The following CLASP1 variants were observed in gnomAD, a reference collection of about 807,000 sequenced individuals.
The protein encoded by CLASP1 is CLIP-associating protein 1.
CLASP1 carries 38 observed loss-of-function variants against 192.3 expected under a neutral mutation model. That is an observed-to-expected ratio of 0.20 (90% CI 0.15 to 0.26). The LOEUF is 0.26. CLASP1 is among the 10% of genes least tolerant of loss of function. The pLI is 1.00. For synonymous variants in CLASP1, 691 were observed against 712.8 expected, an observed-to-expected ratio of 0.97 and a Z score of 0.49; for missense variants, 1,433 against 1,932.5, an observed-to-expected ratio of 0.74 and a Z score of 4.85.
At chr2:121,547,215 G>T (rs1228740568) in intron 2 of CLASP1, among the ~76,000 whole-genome samples, 1 of 152,174 alleles carries the variant, frequency 6.6e-6, no homozygotes, top group Non-Finnish European at 1.5e-5. Flanking sequence ...CCAGCCAGTA[G>T]CAACTCAGCA....
intron 2 of CLASP1, among the ~76,000 whole-genome samples, chr2:121,582,585 CAGAA>C (rs2061319924): frequency 7.0e-6 from 1 of 141,968 alleles, no homozygotes; most frequent in Non-Finnish European, 1.5e-5. Flanking sequence ...GACAGGAAGA[CAGAA>C]AGCAGGGAGG....
chr2:121,649,099 G>A (rs916076603), intron 1 of CLASP1, among the ~76,000 whole-genome samples: 5 of 152,158 alleles, frequency 3.3e-5, no homozygotes, highest in African/African-American at 1.2e-4. Flanking sequence ...ACAGAGAGGG[G>A]CACACAAAGC....
intron 34 of CLASP1, among the ~76,000 whole-genome samples, chr2:121,376,529 G>T (rs1050550382): frequency 6.6e-6 from 1 of 151,304 alleles, no homozygotes; most frequent in Non-Finnish European, 1.5e-5. Flanking sequence ...GAAGGGGTGG[G>T]GGGGGGGTCG....
At chr2:121,399,873 GTGTTT>G (rs2075887659) in intron 28 of CLASP1, among the ~76,000 whole-genome samples, 1 of 152,196 alleles carries the variant, frequency 6.6e-6, no homozygotes, top group Non-Finnish European at 1.5e-5. Flanking sequence ...TGGCTCACAT[GTGTTT>G]TATTTGGCCT....
chr2:121,632,897 A>AG (rs143206168), intron 1 of CLASP1, among the ~76,000 whole-genome samples: 27,035 of 148,242 alleles, frequency 0.18, 4,539 homozygotes, highest in African/African-American at 0.45. Flanking sequence ...ACTCCATCTC[A>AG]GAAAAAAAAA....
chr2:121,453,085 G>C (rs754889463), intron 14 of CLASP1, among the ~76,000 whole-genome samples: 102 of 152,172 alleles, frequency 6.7e-4, no homozygotes, highest in Non-Finnish European at 1.2e-3. Context: ...CCAGGCATTT[G>C]AGACCAGCCT....
intron 2 of CLASP1, among the ~76,000 whole-genome samples, chr2:121,565,418 GCA>G (rs1213360461): frequency 2.0e-5 from 3 of 152,322 alleles, no homozygotes; most frequent in Non-Finnish European, 2.9e-5. Flanking sequence ...AGTCCAGGAG[GCA>G]CTATCACAGC....
Position 121,470,014 on chromosome 2 carries a change from C to CAT in CLASP1, c.713-56_713-55dup, listed in dbSNP as rs750940409. 81 of 1,243,068 alleles carry CAT rather than the reference C, an allele frequency of 6.5e-5. No homozygotes were observed. In the East Asian group the frequency reaches 7.7e-4, roughly 12 times the overall value. 77.0% of individuals were successfully genotyped at this position (1,243,068 alleles called of 1,614,324 possible). ...TTTTTAAAAACAAAAACTATATATACATATATATATACTTTTTCACCTGAT... is the reference window on the plus strand; with the variant it reads ...TTTTTAAAAACAAAAACTATATATACATATATATATATACTTTTTCACCTGAT... On this transcript the variant is annotated intron_variant, in intron 8 of 39. Coordinates refer to ENST00000263710, the Ensembl canonical transcript of CLASP1.
At chr2:121,437,855 C>A in intron 19 of CLASP1, among the ~76,000 whole-genome samples, 1 of 152,186 alleles carries the variant, frequency 6.6e-6, no homozygotes, top group East Asian at 1.9e-4. Context: ...CATACCAGGG[C>A]TCCTGCCATG....
intron 2 of CLASP1, among the ~76,000 whole-genome samples, chr2:121,574,990 A>T (rs537798098): frequency 6.8e-6 from 1 of 147,812 alleles, no homozygotes; most frequent in East Asian, 2.0e-4. Flanking sequence ...TTCTCACCAT[A>T]AAAAAAAAAC....
intron 1 of CLASP1, among the ~76,000 whole-genome samples, chr2:121,630,601 C>G (rs145162014): frequency 6.6e-6 from 1 of 151,762 alleles, no homozygotes; most frequent in African/African-American, 2.4e-5. Flanking sequence ...TGGTGGCTCA[C>G]GCCTATAATC....
At chr2:121,481,695 C>T (rs534104927) in intron 8 of CLASP1, among the ~76,000 whole-genome samples, 5 of 152,262 alleles carry the variant, frequency 3.3e-5, no homozygotes, top group Non-Finnish European at 5.9e-5. Flanking sequence ...GTAATAAAAC[C>T]GGACTCCCAG....
At chr2:121,516,083 C>T (rs1199554387) in intron 6 of CLASP1, among the ~76,000 whole-genome samples, 1 of 152,006 alleles carries the variant, frequency 6.6e-6, no homozygotes, top group Non-Finnish European at 1.5e-5. Context: ...TAAGAAACAA[C>T]ACTAAAAATA....
exon 28 of CLASP1, chr2:121,401,586 T>C: frequency 6.2e-7 from 1 of 1,613,196 alleles, no homozygotes; most frequent in African/African-American, 1.3e-5. Context: ...TAAGTAATTG[T>C]GTGAGAAGAA....
chr2:121,367,985 C>G (rs1433389886), intron 34 of CLASP1, among the ~76,000 whole-genome samples, 154 bp from the exon 36 acceptor site: 2 of 152,172 alleles, frequency 1.3e-5, no homozygotes, highest in African/African-American at 2.4e-5. Context: ...GTAAAAATAC[C>G]AAATCCGTAA....
At chr2:121,406,032 G>A (rs2076867805) in intron 25 of CLASP1, among the ~76,000 whole-genome samples, 1 of 152,148 alleles carries the variant, frequency 6.6e-6, no homozygotes, top group Non-Finnish European at 1.5e-5. Flanking sequence ...TGCATTTCAT[G>A]TACTCTAAGT....
At chr2:121,574,702 G>A (rs2060324996) in intron 2 of CLASP1, among the ~76,000 whole-genome samples, 1 of 151,044 alleles carries the variant, frequency 6.6e-6, no homozygotes, top group Non-Finnish European at 1.5e-5. Context: ...ACTTTGGGAG[G>A]CCGAGGCAGG....
rs563196283 is a variant in CLASP1 at position 121,528,601 on chromosome 2, A to T, written c.378+76T>A. ...TCTATGGAGTCACACCATTTGTGCA[A>T]GTACACACACACACCCTCGCACGTG... On this transcript the variant is annotated intron_variant, in intron 4 of 39. Transcript: ENST00000263710. The T allele has an allele frequency of 6.1e-4, 668 of 1,101,152 alleles. 13 individuals are homozygous for T. The South Asian group carries it at 8.0e-3, about 13-fold the overall frequency. The allele number at this position is 1,101,152 out of a possible 1,614,324, so 68.2% of individuals were successfully genotyped here.
chr2:121,378,078 T>A (rs2070700866), intron 33 of CLASP1, among the ~76,000 whole-genome samples: 1 of 152,178 alleles, frequency 6.6e-6, no homozygotes, highest in Non-Finnish European at 1.5e-5. Flanking sequence ...TAAGCAAATT[T>A]CAAAGGAGCA....
Sources: allele counts gnomAD v4.1 joint callset (sites outside exome capture counted in the v4.1 genomes callset), GRCh38; gene constraint gnomAD v4.1.1; transcripts MANE v1.5; gene names NCBI Gene and HGNC (gene_info 2026-07-23, HGNC 2026-07-21).